Variants in MAN2A1 observed in about 807,000 individuals in gnomAD.
The protein encoded by MAN2A1 is alpha-mannosidase 2.
Under a neutral mutation model 142.6 loss-of-function variants are expected in MAN2A1, and 76 were observed. The observed-to-expected ratio is 0.53, with a 90% CI of 0.44 to 0.65. The LOEUF (loss-of-function observed/expected upper bound fraction) is 0.65. Ranked by LOEUF, MAN2A1 falls within the 30% of genes least tolerant of loss-of-function variation. The pLI, the probability that MAN2A1 is intolerant of heterozygous loss-of-function variation, is 0.00. For missense variants in MAN2A1, 1,311 were observed against 1,365.1 expected (o/e 0.96, Z 0.62); for synonymous variants, 559 against 473.2 (o/e 1.18, Z -2.35).
intron 8 of MAN2A1, among the ~76,000 whole-genome samples, chr5:109,780,510 CTGTGTGTGTGTGTGTGTGTG>C (rs113661582): frequency 7.0e-6 from 1 of 143,672 alleles, no homozygotes. Flanking sequence ...CTTGCAATAT[CTGTGTGTGTGTGTGTGTGTG>C]TGTGTGTGTG....
At chr5:109,823,543 T>C (rs949452492) in intron 15 of MAN2A1, among the ~76,000 whole-genome samples, 180 bp from the exon 16 acceptor site, 2 of 152,198 alleles carry the variant, frequency 1.3e-5, no homozygotes, top group African/African-American at 4.8e-5. Flanking sequence ...TTTTTAAAAA[T>C]AAAAAACACG....
At chr5:109,805,014 CT>C (rs1031007869) in intron 12 of MAN2A1, among the ~76,000 whole-genome samples, 88 of 152,164 alleles carry the variant, frequency 5.8e-4, no homozygotes, top group African/African-American at 1.9e-3. Flanking sequence ...AACATCATTC[CT>C]TATGCAGTCA....
At chr5:109,720,563 G>A (rs188141289) in intron 3 of MAN2A1, among the ~76,000 whole-genome samples, 143 of 152,306 alleles carry the variant, frequency 9.4e-4, no homozygotes, top group African/African-American at 3.1e-3. Flanking sequence ...GTCAGTCATA[G>A]TTGGCTAATA....
chr5:109,857,743 A>G (rs760225964), intron 20 of MAN2A1, among the ~76,000 whole-genome samples: 3 of 152,184 alleles, frequency 2.0e-5, no homozygotes, highest in Non-Finnish European at 4.4e-5. Flanking sequence ...TCTCAGATGA[A>G]AAATCCCGTT....
At chr5:109,770,686 TAAA>T (rs1753122747) in intron 7 of MAN2A1, 145 bp downstream of exon 7, 1 of 711,024 alleles carries the variant, frequency 1.4e-6, no homozygotes, top group African/African-American at 1.8e-5. Context: ...TAAAGCAACT[TAAA>T]AATGCCAGAG....
At chr5:109,828,432 C>T (rs1754817148) in intron 16 of MAN2A1, among the ~76,000 whole-genome samples, 1 of 152,190 alleles carries the variant, frequency 6.6e-6, no homozygotes, top group Admixed American at 6.5e-5. Flanking sequence ...TTTAATACTG[C>T]ACCTACAAGG....
At chr5:109,715,560 A>G (rs1751429862) in intron 2 of MAN2A1, among the ~76,000 whole-genome samples, 1 of 152,158 alleles carries the variant, frequency 6.6e-6, no homozygotes, top group South Asian at 2.1e-4. Context: ...CTCAATTTTT[A>G]GATGATTATG....
At chr5:109,806,167 C>T (rs918784674) in intron 12 of MAN2A1, among the ~76,000 whole-genome samples, 3 of 152,130 alleles carry the variant, frequency 2.0e-5, no homozygotes, top group Admixed American at 6.5e-5. Flanking sequence ...ATTCTGAGTG[C>T]TCTAGTTGCT....
At position 109,784,727 on chromosome 5, in the gene MAN2A1, G is replaced by A. The variant is rs532834531; in HGVS notation, c.1578-17G>A. 6.4e-4 allele frequency: 981 copies of A among 1,526,394 alleles called. 15 individuals are homozygous for A. The South Asian group carries it at 0.012, about 19-fold the overall frequency. The allele number at this position is 1,526,394 out of a possible 1,614,324, so 94.6% of individuals were successfully genotyped here. A position where few individuals can be genotyped will look rare whatever the true frequency, so the allele number is the denominator to read the frequency against. On this transcript the variant is annotated splice_polypyrimidine_tract_variant and intron_variant, in intron 9 of 21. Transcript: ENST00000261483. Reference sequence around the variant, plus strand: ...AGTGTTTGTTTTAAAATAAAAATATGACTTTTATGCAATTAGGGCTGCTGA... The same window carrying A: ...AGTGTTTGTTTTAAAATAAAAATATAACTTTTATGCAATTAGGGCTGCTGA...
intron 12 of MAN2A1, among the ~76,000 whole-genome samples, chr5:109,810,704 C>T (rs1754292868): frequency 6.6e-6 from 1 of 152,212 alleles, no homozygotes; most frequent in African/African-American, 2.4e-5. Context: ...TGGCATGCCC[C>T]AGAGTGAAAA....
intron 7 of MAN2A1, among the ~76,000 whole-genome samples, chr5:109,773,089 G>A (rs1378024718): frequency 6.6e-6 from 1 of 152,130 alleles, no homozygotes; most frequent in Non-Finnish European, 1.5e-5. Context: ...GCATCTGTAT[G>A]TTTTCAAATG....
chr5:109,755,340 A>G lies in MAN2A1; in HGVS notation c.719A>G (p.Asn240Ser), dbSNP rs1561495099. ...KKDAVKSLIE[N>S]GQLEIVTGGW... ...TATTTTCTCTCTAGTTTAATAGAAA[A>G]TGGTCAGCTTGAAATTGTGACAGGT... Residue 240 changes from asparagine to serine, a missense_variant, in exon 5 of 22, where the codon AAT becomes AGT. Physicochemically the swap from Asn to Ser is conservative, Grantham distance 46 (BLOSUM62 1). Coordinates refer to ENST00000261483, the MANE Select transcript of MAN2A1 (RefSeq NM_002372.4). 9 of 1,611,916 alleles carry G rather than the reference A, an allele frequency of 5.6e-6. No individual in the cohort carries two copies. Among genetic ancestry groups the G allele is most frequent in the Non-Finnish European group, 7.6e-6 (9 of 1,178,176 alleles).
intron 5 of MAN2A1, among the ~76,000 whole-genome samples, chr5:109,757,998 TAC>T (rs1752735575): frequency 6.6e-6 from 1 of 152,196 alleles, no homozygotes; most frequent in African/African-American, 2.4e-5. Context: ...AATGCTGTTA[TAC>T]ACATTTGTTT....
intron 13 of MAN2A1, among the ~76,000 whole-genome samples, chr5:109,818,290 C>T (rs1754525511): frequency 6.6e-6 from 1 of 152,106 alleles, no homozygotes; most frequent in South Asian, 2.1e-4. Context: ...AGGCATGTGC[C>T]ACCACGCCTG....
chr5:109,852,381 G>T (rs1357074316), intron 19 of MAN2A1, among the ~76,000 whole-genome samples: 1 of 151,978 alleles, frequency 6.6e-6, no homozygotes, highest in Non-Finnish European at 1.5e-5. Flanking sequence ...TACTTCAACA[G>T]ACATTTATTA....
chr5:109,816,672 AT>A (rs200119307), intron 12 of MAN2A1, among the ~76,000 whole-genome samples: 1 of 151,932 alleles, frequency 6.6e-6, no homozygotes, highest in Non-Finnish European at 1.5e-5. Flanking sequence ...CAAATTGTGA[AT>A]TTTTTTTATT....
At position 109,786,142 on chromosome 5, in the gene MAN2A1, C is replaced by A. The variant is rs200415361; in HGVS notation, c.1760+1216C>A. Among the ~76,000 whole-genome samples, 24 of 151,994 alleles carry A rather than the reference C, an allele frequency of 1.6e-4. No homozygotes were observed. The East Asian group carries it at 2.5e-3, about 16-fold the overall frequency. On this transcript the variant is annotated intron_variant, in intron 10 of 21. Coordinates refer to ENST00000261483, the MANE Select transcript of MAN2A1 (RefSeq NM_002372.4). ...TTTTAATGGCAAATATATATGACAC[C>A]CACCTGTCGAGGTTGATCTGGGGTT...
intron 12 of MAN2A1, among the ~76,000 whole-genome samples, chr5:109,802,748 CTTT>C (rs888733102): frequency 6.6e-6 from 1 of 151,390 alleles, no homozygotes; most frequent in Admixed American, 6.6e-5. Flanking sequence ...TAGGTGTTGA[CTTT>C]TTTTTTCTTT....
chr5:109,841,228 T>C (rs1225494701), intron 16 of MAN2A1, among the ~76,000 whole-genome samples: 1 of 152,164 alleles, frequency 6.6e-6, no homozygotes, highest in Admixed American at 6.5e-5. Context: ...ATTTGTGAAA[T>C]TTTGGTGCAC....
Sources: gnomAD v4.1 joint callset for allele counts (sites outside exome capture counted in the v4.1 genomes callset) on GRCh38, gnomAD v4.1.1 for gene constraint, MANE v1.5 for transcripts, NCBI Gene and HGNC (gene_info 2026-07-23, HGNC 2026-07-21) for gene names.